Variants in ZSCAN20 observed in about 807,000 individuals in gnomAD.
ZSCAN20 encodes the protein zinc finger and SCAN domain containing 20, also known as zinc finger and SCAN domain-containing protein 20.
Under a neutral mutation model 97.1 loss-of-function variants are expected in ZSCAN20, and 39 were observed. That is an observed-to-expected ratio of 0.40 (90% CI 0.31 to 0.52). The LOEUF (loss-of-function observed/expected upper bound fraction) is 0.52, where lower values mean the gene tolerates loss of function less well. ZSCAN20 is among the 20% of genes least tolerant of loss of function. ZSCAN20 has a pLI of 0.49. For missense variants in ZSCAN20, 1,115 were observed against 1,290.4 expected (o/e 0.86, Z 2.08); for synonymous variants, 456 against 467.3 (o/e 0.98, Z 0.31).
Position 33,495,497 on chromosome 1 carries a change from A to G in ZSCAN20, c.*21A>G. 6.7e-7 allele frequency: 1 copy of G among 1,496,858 alleles called. No homozygotes were observed. The allele number at this position is 1,496,858 out of a possible 1,614,324, so 92.7% of individuals were successfully genotyped here. On this transcript the variant is annotated 3_prime_UTR_variant, in exon 8 of 8. Coordinates refer to ENST00000684572, the MANE Select transcript of ZSCAN20 (RefSeq NM_001377376.1). ...CGTAGGGGACAGTTTCCTCAACAAC[A>G]AAGGAGGACTCAATGTATATATCTT...
chr1:33,482,382 C>T (rs1438646168), intron 2 of ZSCAN20, among the ~76,000 whole-genome samples: 5 of 152,200 alleles, frequency 3.3e-5, no homozygotes, highest in Admixed American at 6.6e-5. Flanking sequence ...GTTTCCTCCA[C>T]GTCTTTTCAT....
chr1:33,488,418 G>A, intron 2 of ZSCAN20, 47 bp from the exon 3 acceptor site: 1 of 1,588,092 alleles, frequency 6.3e-7, no homozygotes, highest in Middle Eastern at 1.7e-4. Context: ...ATACCAAAGT[G>A]GGTCTTACTG....
chr1:33,484,235 A>G (rs1331313158), intron 2 of ZSCAN20, among the ~76,000 whole-genome samples: 1 of 152,244 alleles, frequency 6.6e-6, no homozygotes, highest in African/African-American at 2.4e-5. Context: ...AGTATGAAAG[A>G]ATAGTGAGAG....
intron 1 of ZSCAN20, among the ~76,000 whole-genome samples, chr1:33,472,980 A>G (rs1651783234): frequency 6.6e-6 from 1 of 151,956 alleles, no homozygotes; most frequent in Non-Finnish European, 1.5e-5. Context: ...AGTCATAGAA[A>G]GGTCTGGAGA....
intron 4 of ZSCAN20, 48 bp downstream of exon 4, chr1:33,489,239 T>C (rs1482573207): frequency 1.3e-6 from 2 of 1,575,718 alleles, no homozygotes; most frequent in African/African-American, 1.3e-5. Context: ...GCTCCTGTGC[T>C]CTTGCCCCCA....
intron 2 of ZSCAN20, 121 bp downstream of exon 2, chr1:33,479,826 A>G (rs1652078095): frequency 9.3e-7 from 1 of 1,072,470 alleles, no homozygotes; most frequent in Non-Finnish European, 1.3e-6. Context: ...ACTGACACTT[A>G]TTGACCACTA....
At chr1:33,475,911 C>A (rs113276967) in intron 1 of ZSCAN20, among the ~76,000 whole-genome samples, 3,007 of 151,766 alleles carry the variant, frequency 0.02, 81 homozygotes, top group East Asian at 0.072. Flanking sequence ...CTTGTGATCT[C>A]CCTGCCTCGG....
Position 33,491,373 on chromosome 1 carries a change from C to T in ZSCAN20, c.1115C>T (p.Thr372Ile), listed in dbSNP as rs1652600834. 1 of 1,614,056 alleles carries T rather than the reference C, an allele frequency of 6.2e-7. No individual in the cohort carries two copies. Reference protein sequence around the residue: ...EQLRARGFLRTLEQCRYRVKN... With the variant: ...EQLRARGFLRILEQCRYRVKN... ...CTAAGGGCAAGGGGCTTCCTGCGGA[C>T]ACTGGAGCAATGTCGCTATAGGGTC... The change falls in exon 6 of 8, where the codon ACA becomes ATA. Residue 372 changes from threonine (T) to isoleucine (I), a missense_variant. Thr to Ile is a moderately conservative substitution (Grantham distance 89). This residue lies in a region of ZSCAN20 where 508 missense variants were observed against 611.2 expected (regional missense o/e 0.83). Coordinates refer to ENST00000684572, the MANE Select transcript of ZSCAN20 (RefSeq NM_001377376.1). The surrounding 1 kb of genome is among the most constrained non-coding windows in gnomAD (Gnocchi z 4.3).
rs1296885781 is a variant in ZSCAN20, at chr1:33,500,593, G to A, written c.*5117G>A. ...TGATTTTCTAATGAGGGCGCTGTTGGTGATTCTTTTTGTGTGTAAAGATGC... is the reference window on the plus strand; with the variant it reads ...TGATTTTCTAATGAGGGCGCTGTTGATGATTCTTTTTGTGTGTAAAGATGC... On this transcript the variant is annotated 3_prime_UTR_variant, in exon 8 of 8. Transcript: ENST00000684572. Among the ~76,000 whole-genome samples, 4 of 151,650 alleles carry A rather than the reference G, an allele frequency of 2.6e-5. No individual in the cohort carries two copies. Among genetic ancestry groups the A allele is most frequent in the Admixed American group, 1.3e-4 (2 of 15,246 alleles).
At chr1:33,482,595 A>G (rs906027732) in intron 2 of ZSCAN20, among the ~76,000 whole-genome samples, 2 of 152,234 alleles carry the variant, frequency 1.3e-5, no homozygotes, top group East Asian at 3.8e-4. Flanking sequence ...ACCAAGGGAC[A>G]TGATTGCTGG....
intron 2 of ZSCAN20, 104 bp downstream of exon 2, chr1:33,479,809 A>ATTT: frequency 4.0e-6 from 5 of 1,245,830 alleles, no homozygotes; most frequent in African/African-American, 1.5e-5. Flanking sequence ...AACAATAGTT[A>ATTT]TTGAGAACTG....
At chr1:33,490,684 C>CACACACACACACA (rs57345949) in intron 5 of ZSCAN20, among the ~76,000 whole-genome samples, 58 of 128,004 alleles carry the variant, frequency 4.5e-4, no homozygotes, top group African/African-American at 1.2e-3. Context: ...CACACACACA[C>CACACACACACACA]CACACACCCT....
At position 33,500,141 on chromosome 1, in the gene ZSCAN20, A is replaced by G. The variant is rs1219989723; in HGVS notation, c.*4665A>G. On this transcript the variant is annotated 3_prime_UTR_variant, in exon 8 of 8. Transcript: ENST00000684572. The stretch of plus-strand genomic sequence containing the variant: ...TTACTGCTAGCATGTCTTTAGCATC[A>G]TTTTGCCCTCCCTCTGACTTTCAGC... Among the ~76,000 whole-genome samples, 1 of 152,084 alleles carries G rather than the reference A, an allele frequency of 6.6e-6. No individual in the cohort carries two copies. Among genetic ancestry groups the G allele is most frequent in the Non-Finnish European group, 1.5e-5 (1 of 68,012 alleles).
At position 33,491,656 on chromosome 1, in the gene ZSCAN20, G is replaced by A; in HGVS notation, c.1398G>A (p.Gln466=). ...GCCTGGTCAATGTTGAGTCTACCCA[G>A]GGGCCCAGGATTGCAGGGGCCCCAG... The part of the protein sequence containing the change: ...GAGLVNVEST[Q]GPRIAGAPAL... Residue 466 remains glutamine, a synonymous_variant, in exon 6 of 8, where the codon CAG becomes CAA. Transcript: ENST00000684572. This position sits in a 1 kb window ranked among gnomAD's most constrained non-coding sequence, Gnocchi z 4.3. The A allele has an allele frequency of 1.2e-6, 2 of 1,612,646 alleles. No homozygotes were observed. Among genetic ancestry groups the A allele is most frequent in the Non-Finnish European group, 1.7e-6 (2 of 1,179,380 alleles).
rs992317043 is a variant in ZSCAN20, at chr1:33,498,711, G to C, written c.*3235G>C. On this transcript the variant is annotated 3_prime_UTR_variant, in exon 8 of 8. Transcript: ENST00000684572. ...AAACCAAACCAGCAAATGCTGCCCT[G>C]GGAGGGTGTTACATCATGTGAGCTG... 6.6e-6 allele frequency among the ~76,000 whole-genome samples: 1 copy of C among 152,178 alleles called. No homozygotes were observed. Among genetic ancestry groups the C allele is most frequent in the African/African-American group, 2.4e-5 (1 of 41,448 alleles).
Position 33,500,299 on chromosome 1 carries a change from G to A in ZSCAN20, c.*4823G>A, listed in dbSNP as rs140495416. 1.9e-4 allele frequency among the ~76,000 whole-genome samples: 29 copies of A among 152,106 alleles called. No individual in the cohort carries two copies. The highest frequency in any genetic ancestry group is 3.9e-4 in the East Asian group (2 of 5,162). On this transcript the variant is annotated 3_prime_UTR_variant, in exon 8 of 8. Transcript: ENST00000684572. ...ACCTTTCTCCTCACCTCCGTGTGCC[G>A]CATCTCTCACCTAGTCTCTGTTAGG...
rs1652755427 is a variant in ZSCAN20 at position 33,494,397 on chromosome 1, T to G, written c.2053T>G (p.Trp685Gly). Reference protein sequence around the residue: ...GQWGNPSQEQWQESSSEEDLE... With the variant: ...GQWGNPSQEQGQESSSEEDLE... ...GTGGGGAAATCCCTCACAGGAACAGTGGCAAGAAAGTTCTTCTGAAGAGGA... is the reference window on the plus strand; with the variant it reads ...GTGGGGAAATCCCTCACAGGAACAGGGGCAAGAAAGTTCTTCTGAAGAGGA... The change falls in exon 8 of 8, where the codon TGG (tryptophan) becomes GGG (glycine). Residue 685 changes from tryptophan (W) to glycine (G), a missense_variant. By Grantham distance (184) the Trp-to-Gly change is radical. Transcript: ENST00000684572. 6.2e-7 allele frequency: 1 copy of G among 1,613,866 alleles called. No homozygotes were observed. The highest frequency in any genetic ancestry group is 1.3e-5 in the African/African-American group (1 of 74,900).
chr1:33,485,343 G>A lies in ZSCAN20; in HGVS notation c.418-3122G>A, dbSNP rs372079871. Among the ~76,000 whole-genome samples the A allele has an allele frequency of 8.9e-4, 135 of 152,204 alleles. 1 individual carries two copies. The highest frequency in any genetic ancestry group is 3.2e-3 in the African/African-American group (133 of 41,520). ...ATAATATTCCTTTATTATACTTTCA[G>A]TGTCTATGGGATCTGTAGTGATGTC... is the stretch of plus-strand genomic sequence containing the variant. On this transcript the variant is annotated intron_variant, in intron 2 of 7. Coordinates refer to ENST00000684572, the MANE Select transcript of ZSCAN20 (RefSeq NM_001377376.1).
intron 2 of ZSCAN20, among the ~76,000 whole-genome samples, chr1:33,480,068 C>T (rs1263893503): frequency 6.6e-6 from 1 of 152,188 alleles, no homozygotes; most frequent in Non-Finnish European, 1.5e-5. Context: ...TCCAAACTGC[C>T]TCCCACTACC....
Sources: gnomAD v4.1 joint callset for allele counts (sites outside exome capture counted in the v4.1 genomes callset) on GRCh38, gnomAD v4.1.1 for gene constraint, gnomAD v4.1.1 regional missense constraint, Gnocchi (gnomAD v3.1) non-coding constraint, MANE v1.5 for transcripts, NCBI Gene and HGNC (gene_info 2026-07-23, HGNC 2026-07-21) for gene names.